CNDP2: variants seen among roughly 807,000 people sequenced by gnomAD.
CNDP2 encodes carnosine dipeptidase 2.
CNDP2 carries 38 observed loss-of-function variants against 55.0 expected under a neutral mutation model. The ratio of observed to expected loss-of-function variants is 0.69; its 90% CI spans 0.53 to 0.90. CNDP2 has a LOEUF of 0.90. CNDP2 is among the 40% of genes least tolerant of loss of function. The pLI is 0.00. For synonymous variants in CNDP2, 241 were observed against 260.2 expected (o/e 0.93, Z 0.71); for missense variants, 607 against 621.7 (o/e 0.98, Z 0.25).
chr18:74,501,228 A>T, intron 2 of CNDP2, 101 bp from the exon 3 acceptor site: 1 of 1,490,750 alleles, frequency 6.7e-7, no homozygotes, highest in Non-Finnish European at 8.9e-7. Context: ...CAACTGCAGC[A>T]GCCACAGAGG....
chr18:74,514,614 A>G (rs62099869), intron 8 of CNDP2, among the ~76,000 whole-genome samples: 6 of 107,400 alleles, frequency 5.6e-5, no homozygotes, highest in African/African-American at 1.2e-4. Flanking sequence ...TGCAGGCTAT[A>G]GGTTTATGTG....
At chr18:74,497,168 A>G (rs1978460983) in intron 1 of CNDP2, among the ~76,000 whole-genome samples, 1 of 152,116 alleles carries the variant, frequency 6.6e-6, no homozygotes, top group African/African-American at 2.4e-5. Context: ...TCATCCAAGC[A>G]TAGACTGCAG....
chr18:74,510,116 C>T (rs73476735), intron 5 of CNDP2, among the ~76,000 whole-genome samples: 3,570 of 152,200 alleles, frequency 0.023, 120 homozygotes, highest in African/African-American at 0.081. Context: ...GGGCAGAGGT[C>T]CTGTGGAAGA....
chr18:74,520,002 T>A lies in CNDP2; in HGVS notation c.1362T>A (p.Tyr454Ter). 6.2e-7 allele frequency: 1 copy of A among 1,613,890 alleles called. No homozygotes were observed. The highest frequency in any genetic ancestry group is 1.1e-5 in the South Asian group (1 of 90,996). The change falls in exon 12 of 12, where the codon TAT (tyrosine) becomes TAA (stop). Residue 454 changes from tyrosine (Y) to a stop codon, truncating the protein, a stop_gained. Coordinates refer to ENST00000324262, the MANE Select transcript of CNDP2 (RefSeq NM_018235.3). LOFTEE classifies it high-confidence loss of function. The part of the protein sequence containing the change: ...AHSQNEKLNR[Y>*]NYIEGTKMLA... ...ATGATGTGTTCCTCTCTACCAGGTA[T>A]AACTACATAGAGGGAACCAAGATGC...
At chr18:74,508,615 A>G (rs1435250168) in intron 4 of CNDP2, 1 of 477,254 alleles carries the variant, frequency 2.1e-6, no homozygotes, top group East Asian at 3.3e-5. Flanking sequence ...CGGTGGGAGA[A>G]GGAAGGGGTT....
chr18:74,510,701 A>T, intron 5 of CNDP2, 112 bp from the exon 6 acceptor site: 1 of 919,222 alleles, frequency 1.1e-6, no homozygotes, highest in Non-Finnish European at 1.7e-6. Context: ...ACGGAGGCCC[A>T]TGTGGTCTGT....
Position 74,505,888 on chromosome 18 carries a change from C to T in CNDP2, c.244C>T (p.Leu82Phe). 6.2e-7 allele frequency: 1 copy of T among 1,611,734 alleles called. No individual in the cohort carries two copies. Among genetic ancestry groups the T allele is most frequent in the Non-Finnish European group, 8.5e-7 (1 of 1,179,304 alleles). ...GGAGATCCCGCTCCCTCCTATTCTG[C>T]TCGGCAGGCTGGGCTCCGACCCACA... ...GSEIPLPPIL[L>F]GRLGSDPQKK... Residue 82 changes from leucine to phenylalanine, a missense_variant, in exon 4 of 12, where the codon CTC becomes TTC. Transcript: ENST00000324262.
chr18:74,513,942 T>C (rs1045021926), intron 8 of CNDP2: 4 of 482,088 alleles, frequency 8.3e-6, no homozygotes, highest in African/African-American at 4.0e-5. Context: ...TGGAGAAGCA[T>C]GCAGAGGGGA....
Position 74,513,932 on chromosome 18 carries a change from T to G in CNDP2, c.903+213T>G, listed in dbSNP as rs370368111. The G allele has an allele frequency of 1.5e-4, 77 of 507,192 alleles. 1 individual carries two copies. Among genetic ancestry groups the G allele is most frequent in the South Asian group, 6.7e-4 (27 of 40,136 alleles). 31.4% of individuals were successfully genotyped at this position (507,192 alleles called of 1,614,324 possible). ...AATCTACTTTTGATTCCATCAGACC[T>G]GGAGAAGCATGCAGAGGGGACATGG... On this transcript the variant is annotated intron_variant, in intron 8 of 11. Coordinates refer to ENST00000324262, the MANE Select transcript of CNDP2 (RefSeq NM_018235.3).
Position 74,511,008 on chromosome 18 carries a change from A to G in CNDP2, c.652A>G (p.Ile218Val), listed in dbSNP as rs575660878. The change falls in exon 6 of 12, where the codon ATC becomes GTC. Residue 218 changes from isoleucine (I) to valine (V), a missense_variant. Physicochemically the swap from Ile to Val is conservative, Grantham distance 29 (BLOSUM62 3). Transcript: ENST00000324262. Reference sequence around the variant, plus strand: ...CCTCAGGGGCATTTGCTACTTTTTCATCGAGGTACAGTGCCAAGCTGTACG... The same window carrying G: ...CCTCAGGGGCATTTGCTACTTTTTCGTCGAGGTACAGTGCCAAGCTGTACG... ...YGLRGICYFFIEVECSNKDLH... is the reference protein window; with the variant it reads ...YGLRGICYFFVEVECSNKDLH... 1.9e-6 allele frequency: 3 copies of G among 1,613,790 alleles called. No homozygotes were observed. The East Asian group carries it at 6.7e-5, about 36-fold the overall frequency.
intron 4 of CNDP2, among the ~76,000 whole-genome samples, chr18:74,506,546 G>A (rs1291187423): frequency 1.3e-5 from 2 of 152,190 alleles, no homozygotes; most frequent in Admixed American, 6.5e-5. Context: ...CGTGGCTGGC[G>A]TCTGCCAGGC....
At chr18:74,496,789 T>A (rs1376793641) in intron 1 of CNDP2, among the ~76,000 whole-genome samples, 1 of 152,146 alleles carries the variant, frequency 6.6e-6, no homozygotes, top group African/African-American at 2.4e-5. Flanking sequence ...GAGATGGGGT[T>A]GCGGGGAGCC....
rs1392481351 is a variant in CNDP2 at position 74,508,841 on chromosome 18, C to G, written c.369C>G (p.Gly123=). 1 of 1,613,542 alleles carries G rather than the reference C, an allele frequency of 6.2e-7. No homozygotes were observed. The highest frequency in any genetic ancestry group is 8.5e-7 in the Non-Finnish European group (1 of 1,179,612). The part of the protein sequence containing the change: ...SEPFTLVERD[G]KLYGRGSTDD... Reference sequence around the variant, plus strand: ...TGAATTTGTGGATTGCTGTTCTAGGCAAGCTGTATGGGAGAGGTTCGACTG... The same window carrying G: ...TGAATTTGTGGATTGCTGTTCTAGGGAAGCTGTATGGGAGAGGTTCGACTG... The change falls in exon 5 of 12, where the codon GGC becomes GGG. Residue 123 remains glycine, a splice_region_variant and synonymous_variant. Transcript: ENST00000324262.
In CNDP2 at chr18:74,519,745, T is replaced by C. The variant is rs540955316; in HGVS notation, c.1359-254T>C. ...AGCGGATAATGGGAGGAGCCCACGA[T>C]CCGAGCTTGACGTTTACTACCGGGG... On this transcript the variant is annotated intron_variant, in intron 11 of 11. Transcript: ENST00000324262. Among the ~76,000 whole-genome samples the C allele has an allele frequency of 1.9e-3, 295 of 152,278 alleles. 2 individuals are homozygous for C. The highest frequency in any genetic ancestry group is 3.5e-3 in the Admixed American group (54 of 15,302).
chr18:74,507,719 C>G (rs1468484126), intron 4 of CNDP2: 1 of 152,554 alleles, frequency 6.6e-6, no homozygotes, highest in Non-Finnish European at 1.5e-5. Context: ...CCTCCCTGTC[C>G]CAGTCTCAGT....
chr18:74,512,488 G>T lies in CNDP2; in HGVS notation c.698G>T (p.Gly233Val). Residue 233 changes from glycine (G) to valine (V), a missense_variant, in exon 7 of 12, where the codon GGG becomes GTG. By Grantham distance (109) the Gly-to-Val change is moderately radical. Coordinates refer to ENST00000324262, the MANE Select transcript of CNDP2 (RefSeq NM_018235.3). ...AAAGACCTCCATTCTGGGGTGTACG[G>T]GGGCTCGGTGCATGAGGCCATGACT... ...SNKDLHSGVY[G>V]GSVHEAMTDL... is the part of the protein sequence containing the mutation. 1 of 1,613,984 alleles carries T rather than the reference G, an allele frequency of 6.2e-7. No individual in the cohort carries two copies. The highest frequency in any genetic ancestry group is 8.5e-7 in the Non-Finnish European group (1 of 1,179,940).
intron 3 of CNDP2, 131 bp from the exon 4 acceptor site, chr18:74,505,718 C>T: frequency 1.0e-6 from 1 of 969,440 alleles, no homozygotes; most frequent in Non-Finnish European, 1.5e-6. Context: ...ACAGTGTGCT[C>T]TTAAACTCTA....
chr18:74,519,471 G>A (rs991737847), intron 11 of CNDP2, among the ~76,000 whole-genome samples: 6 of 152,204 alleles, frequency 3.9e-5, no homozygotes, highest in African/African-American at 7.2e-5. Flanking sequence ...TTCCCACAAC[G>A]GGGCGGGTGC....
chr18:74,506,229 G>A (rs998618350), intron 4 of CNDP2, among the ~76,000 whole-genome samples: 9 of 152,144 alleles, frequency 5.9e-5, no homozygotes, highest in African/African-American at 2.2e-4. Context: ...CGCCTCCCGG[G>A]GTTCAAGCGA....
Sources: gnomAD v4.1 joint callset for allele counts (sites outside exome capture counted in the v4.1 genomes callset) on GRCh38, gnomAD v4.1.1 for gene constraint, MANE v1.5 for transcripts, NCBI Gene and HGNC (gene_info 2026-07-23, HGNC 2026-07-21) for gene names.